The following MIDN variants were observed in gnomAD, a reference collection of about 807,000 sequenced individuals.
The protein encoded by MIDN is midbrain nucleolar protein.
MIDN carries 26 observed loss-of-function variants against 46.1 expected under a neutral mutation model. That is an observed-to-expected ratio of 0.56 (90% CI 0.41 to 0.78). MIDN has a LOEUF of 0.78. MIDN is among the 30% of genes least tolerant of loss of function. MIDN has a pLI of 0.00. For missense variants in MIDN, 850 were observed against 771.8 expected (o/e 1.10, Z -1.20); for synonymous variants, 432 against 343.3 (o/e 1.26, Z -2.86).
chr19:1,252,213 A>G (rs1229909401), intron 4 of MIDN, among the ~76,000 whole-genome samples: 3 of 151,276 alleles, frequency 2.0e-5, no homozygotes, highest in African/African-American at 7.3e-5. Flanking sequence ...CTGCATCCCC[A>G]GCCCCCTCCG....
At chr19:1,255,163 A>G in intron 7 of MIDN, 102 bp downstream of exon 7, 2 of 1,377,564 alleles carry the variant, frequency 1.5e-6, no homozygotes, top group East Asian at 2.3e-5. Context: ...CTGGGCATAC[A>G]CAGGCTGTGT....
Position 1,257,838 on chromosome 19 carries a change from C to G in MIDN, c.*566C>G, listed in dbSNP as rs1195131304. The G allele has an allele frequency of 6.5e-6, 1 of 152,956 alleles. No individual in the cohort carries two copies. The highest frequency in any genetic ancestry group is 1.5e-5 in the Non-Finnish European group (1 of 68,338). The allele number at this position is 152,956 out of a possible 1,614,324, so 9.5% of individuals were successfully genotyped here. Reference sequence around the variant, plus strand: ...GCAGCGCCCACTGGGCTACAGCAAGCCAACAGGTCACAGAAGCCAACGAGG... The same window carrying G: ...GCAGCGCCCACTGGGCTACAGCAAGGCAACAGGTCACAGAAGCCAACGAGG... On this transcript the variant is annotated 3_prime_UTR_variant, in exon 9 of 9. Coordinates refer to ENST00000682408, the MANE Select transcript of MIDN (RefSeq NM_001388306.1).
In MIDN at chr19:1,253,974, G is replaced by A. The variant is rs934755630; in HGVS notation, c.405G>A (p.Pro135=). Residue 135 remains proline, a synonymous_variant, in exon 5 of 9, where the codon CCG becomes CCA. Transcript: ENST00000682408. ...CACAGCCCCCAGCGGCGCCCGGGCC[G>A]GGCCGGGCTGGCGGAGGAGGCTTCC... ...TETQPPAAPG[P]GRAGGGGFRK... 94 of 1,393,062 alleles carry A rather than the reference G, an allele frequency of 6.7e-5. No individual in the cohort carries two copies. The highest frequency in any genetic ancestry group is 7.9e-5 in the Non-Finnish European group (85 of 1,081,442). 86.3% of individuals were successfully genotyped at this position (1,393,062 alleles called of 1,614,324 possible).
At position 1,257,521 on chromosome 19, in the gene MIDN, TC is replaced by T; in HGVS notation, c.*251del. ...CCCTTCACTCCTGCCCTCCTCTTCC[TC>T]CTCCTCCTCCTCCTCCGTCTGTCTC... On this transcript the variant is annotated 3_prime_UTR_variant, in exon 9 of 9. Coordinates refer to ENST00000682408, the MANE Select transcript of MIDN (RefSeq NM_001388306.1). 2.3e-6 allele frequency: 1 copy of T among 443,166 alleles called. No homozygotes were observed. Among genetic ancestry groups the T allele is most frequent in the Non-Finnish European group, 4.0e-6 (1 of 252,244 alleles). The allele number at this position is 443,166 out of a possible 1,614,324, so 27.5% of individuals were successfully genotyped here.
chr19:1,253,072 G>C (rs189433180), intron 4 of MIDN, among the ~76,000 whole-genome samples: 4 of 152,016 alleles, frequency 2.6e-5, no homozygotes, highest in African/African-American at 7.2e-5. Context: ...GAGACACTGG[G>C]CTCCCCAGGG....
At position 1,256,976 on chromosome 19, in the gene MIDN, G is replaced by A. The variant is rs1265868622; in HGVS notation, c.1259-19G>A. 3 of 1,605,168 alleles carry A rather than the reference G, an allele frequency of 1.9e-6. No homozygotes were observed. The highest frequency in any genetic ancestry group is 2.5e-6 in the Non-Finnish European group (3 of 1,179,668). The stretch of plus-strand genomic sequence containing the variant: ...CAGGTGGAGGCTTTGGGAGTCACAG[G>A]CCACTACCTCCTTTGCAGGGGACCG... On this transcript the variant is annotated intron_variant, in intron 8 of 8. Transcript: ENST00000682408.
Position 1,250,269 on chromosome 19 carries a change from GC to G in MIDN, c.-23del, listed in dbSNP as rs1159869355. On this transcript the variant is annotated 5_prime_UTR_variant, in exon 2 of 9. Coordinates refer to ENST00000682408, the MANE Select transcript of MIDN (RefSeq NM_001388306.1). ...GCGGCGAGGATTGGCGGCGCCCGCCGCCCCCAGCCCCCCAGCGCGCGCCGGG... is the reference window on the plus strand; with the variant it reads ...GCGGCGAGGATTGGCGGCGCCCGCCGCCCCAGCCCCCCAGCGCGCGCCGGG... The G allele has an allele frequency of 2.2e-6, 2 of 905,358 alleles. No individual in the cohort carries two copies. Among genetic ancestry groups the G allele is most frequent in the Non-Finnish European group, 2.6e-6 (2 of 757,728 alleles). The allele number at this position is 905,358 out of a possible 1,614,324, so 56.1% of individuals were successfully genotyped here. A position where few individuals can be genotyped will look rare whatever the true frequency, so the allele number is the denominator to read the frequency against.
intron 4 of MIDN, among the ~76,000 whole-genome samples, chr19:1,252,733 C>T (rs996108114): frequency 1.3e-5 from 2 of 152,090 alleles, no homozygotes; most frequent in African/African-American, 2.4e-5. Flanking sequence ...TCCCTGGCCC[C>T]GAGGCCCGCA....
chr19:1,253,864 G>A lies in MIDN; in HGVS notation c.385-90G>A, dbSNP rs555554774. On this transcript the variant is annotated intron_variant, in intron 4 of 8. Transcript: ENST00000682408. The stretch of plus-strand genomic sequence containing the variant: ...GGTCAGTGACTGCCAGCTGGGCCCC[G>A]CCCCCTCTGGCCTCAGTTTCCCCTT... The A allele has an allele frequency of 1.9e-4, 216 of 1,114,544 alleles. 2 individuals carry two copies. The South Asian group carries it at 3.8e-3, about 20-fold the overall frequency. The allele number at this position is 1,114,544 out of a possible 1,614,324, so 69.0% of individuals were successfully genotyped here.
At chr19:1,254,123 G>A (rs2301761) in intron 5 of MIDN, 41 bp downstream of exon 5, 660,725 of 1,558,268 alleles carry the variant, frequency 0.42, 143,154 homozygotes, top group East Asian at 0.48. Flanking sequence ...GGCTGGGGGC[G>A]CCGCAAGCTG....
At position 1,250,603 on chromosome 19, in the gene MIDN, G is replaced by C. The variant is rs2035796615; in HGVS notation, c.233+74G>C. On this transcript the variant is annotated intron_variant, in intron 2 of 8. Coordinates refer to ENST00000682408, the MANE Select transcript of MIDN (RefSeq NM_001388306.1). ...CGGGCGGGAACAAAGAGCGCGCCGC[G>C]CGGGGAAGGCAGGGGGCGGCCAGAC... 3.5e-6 allele frequency: 3 copies of C among 849,620 alleles called. No individual in the cohort carries two copies. The South Asian group carries it at 1.6e-4, about 46-fold the overall frequency. 52.6% of individuals were successfully genotyped at this position (849,620 alleles called of 1,614,324 possible). A position where few individuals can be genotyped will look rare whatever the true frequency, so the allele number is the denominator to read the frequency against.
At chr19:1,250,615 G>T in intron 2 of MIDN, 86 bp downstream of exon 2, 1 of 734,498 alleles carries the variant, frequency 1.4e-6, no homozygotes, top group Non-Finnish European at 1.7e-6. Context: ...GGGGAAGGCA[G>T]GGGGCGGCCA....
intron 7 of MIDN, 91 bp downstream of exon 7, chr19:1,255,152 T>A: frequency 7.0e-7 from 1 of 1,435,122 alleles, no homozygotes; most frequent in Non-Finnish European, 9.6e-7. Context: ...CTCCACATAT[T>A]CTGGGCATAC....
chr19:1,250,849 C>T (rs1278051734), intron 2 of MIDN, among the ~76,000 whole-genome samples: 3 of 152,038 alleles, frequency 2.0e-5, no homozygotes, highest in Non-Finnish European at 4.4e-5. Flanking sequence ...CCTGCGTCCG[C>T]GCCGGCTTCC....
rs371111878 is a variant in MIDN, at chr19:1,254,411, C to T, written c.758C>T (p.Pro253Leu). 25 of 1,565,804 alleles carry T rather than the reference C, an allele frequency of 1.6e-5. No individual in the cohort carries two copies. The African/African-American group carries it at 2.3e-4, about 14-fold the overall frequency. The change falls in exon 6 of 9, where the codon CCT (proline) becomes CTT (leucine). Residue 253 changes from proline to leucine, a missense_variant. Pro to Leu is a moderately conservative substitution (Grantham distance 98). Transcript: ENST00000682408. Reference sequence around the variant, plus strand: ...CCCCCGGTGCCCACCAGCCCGTCCCCTGCATCTCCCTCGCCCATCACAGCC... The same window carrying T: ...CCCCCGGTGCCCACCAGCCCGTCCCTTGCATCTCCCTCGCCCATCACAGCC... ...RVPPVPTSPS[P>L]ASPSPITAGS...
rs1316528088 is a variant in MIDN, at chr19:1,258,088, C to T, written c.*816C>T. ...CCCCAGCCGGCGGACTGTGCTGTTTCCTCCGCCCCCACTCCCGTGTTTTCT... is the reference window on the plus strand; with the variant it reads ...CCCCAGCCGGCGGACTGTGCTGTTTTCTCCGCCCCCACTCCCGTGTTTTCT... On this transcript the variant is annotated 3_prime_UTR_variant, in exon 9 of 9. Transcript: ENST00000682408. 6.6e-6 allele frequency: 1 copy of T among 152,538 alleles called. No homozygotes were observed. The highest frequency in any genetic ancestry group is 1.5e-5 in the Non-Finnish European group (1 of 68,064). 9.4% of individuals were successfully genotyped at this position (152,538 alleles called of 1,614,324 possible). A position where few individuals can be genotyped will look rare whatever the true frequency, so the allele number is the denominator to read the frequency against.
rs762367981 is a variant in MIDN at position 1,251,568 on chromosome 19, C to T, written c.240C>T (p.Leu80=). 1.9e-6 allele frequency: 3 copies of T among 1,607,420 alleles called. No homozygotes were observed. Among genetic ancestry groups the T allele is most frequent in the Admixed American group, 1.7e-5 (1 of 58,286 alleles). ...RLALLHKDTR[L]SSGKLQEFGV... is the part of the protein sequence containing the mutation. ...TCTTCCTTCCTCCCCCCAGCCGGCT[C>T]AGTTCGGGGAAGCTGCAGGAGTTCG... Residue 80 remains leucine (L), a synonymous_variant, in exon 3 of 9, where the codon CTC becomes CTT. Transcript: ENST00000682408.
rs1374014302 is a variant in MIDN at position 1,257,452 on chromosome 19, T to C, written c.*180T>C. 3.5e-6 allele frequency: 2 copies of C among 578,070 alleles called. No individual in the cohort carries two copies. The highest frequency in any genetic ancestry group is 6.1e-5 in the East Asian group (2 of 32,648). The allele number at this position is 578,070 out of a possible 1,614,324, so 35.8% of individuals were successfully genotyped here. A position where few individuals can be genotyped will look rare whatever the true frequency, so the allele number is the denominator to read the frequency against. On this transcript the variant is annotated 3_prime_UTR_variant, in exon 9 of 9. Transcript: ENST00000682408. ...TTCTTTTTTTAAAAAGTTCTGACCG[T>C]GGTTTCCTGGACTCTTCATGGGCTT...
chr19:1,254,802 T>C, intron 6 of MIDN, 100 bp from the exon 7 acceptor site: 1 of 1,362,636 alleles, frequency 7.3e-7, no homozygotes, highest in East Asian at 2.3e-5. Context: ...TGTTGACAGG[T>C]CATCTCCTGA....
Sources: allele counts gnomAD v4.1 joint callset (sites outside exome capture counted in the v4.1 genomes callset), GRCh38; gene constraint gnomAD v4.1.1; transcripts MANE v1.5; gene names NCBI Gene and HGNC (gene_info 2026-07-23, HGNC 2026-07-21).